IL34: variants seen among roughly 807,000 people sequenced by gnomAD.
IL34 encodes interleukin 34.
A neutral mutation model predicts 25.3 loss-of-function variants in IL34; 17 were observed. The ratio of observed to expected loss-of-function variants is 0.67; its 90% CI spans 0.46 to 1.01. IL34 has a LOEUF of 1.01. Among genes scored for constraint, IL34 ranks in the 50% least tolerant of loss-of-function variants. The pLI is 0.00. For synonymous variants in IL34, 174 were observed against 140.9 expected, an observed-to-expected ratio of 1.23 and a Z score of -1.66; for missense variants, 368 against 312.9, an observed-to-expected ratio of 1.18 and a Z score of -1.33.
At chr16:70,627,076 C>T (rs944012419) in intron 1 of IL34, among the ~76,000 whole-genome samples, 18 of 152,098 alleles carry the variant, frequency 1.2e-4, no homozygotes, top group African/African-American at 4.1e-4. Flanking sequence ...GATCCTTCCA[C>T]CTCAGCCTCC....
chr16:70,611,907 C>T (rs1443459886), intron 1 of IL34, among the ~76,000 whole-genome samples: 7 of 152,162 alleles, frequency 4.6e-5, no homozygotes, highest in African/African-American at 9.6e-5. Flanking sequence ...CCCAGCTCTT[C>T]GGGAGGAGCA....
chr16:70,602,585 G>A (rs974882795), intron 1 of IL34, among the ~76,000 whole-genome samples: 4 of 113,468 alleles, frequency 3.5e-5, no homozygotes, highest in Non-Finnish European at 5.0e-5. Flanking sequence ...TGGAATTGAT[G>A]TGTGTGTGTG....
intron 1 of IL34, among the ~76,000 whole-genome samples, chr16:70,621,622 C>G (rs1351061052): frequency 3.3e-5 from 5 of 152,058 alleles, no homozygotes; most frequent in Admixed American, 6.6e-5. Context: ...CATGCGCGTC[C>G]GTGTGAAGAG....
intron 1 of IL34, among the ~76,000 whole-genome samples, chr16:70,604,170 C>T (rs963403898): frequency 6.6e-6 from 1 of 152,176 alleles, no homozygotes; most frequent in Non-Finnish European, 1.5e-5. Context: ...AATAGCAAAG[C>T]CTGTAAGCCA....
rs2052339268 is a variant in IL34 at position 70,659,762 on chromosome 16, C to G, written c.538+9C>G. The G allele has an allele frequency of 6.3e-7, 1 of 1,588,776 alleles. No homozygotes were observed. Among genetic ancestry groups the G allele is most frequent in the African/African-American group, 1.3e-5 (1 of 74,536 alleles). On this transcript the variant is annotated intron_variant, in intron 5 of 5. Coordinates refer to ENST00000288098, the MANE Select transcript of IL34 (RefSeq NM_001393494.1). ...GCTGTACTGCTCCTGCTGTAAGGAG[C>G]TCTCAGGGGATGGCGCCTGGGGGTG... is the stretch of plus-strand genomic sequence containing the variant.
intron 1 of IL34, among the ~76,000 whole-genome samples, chr16:70,588,833 C>T (rs1282322388): frequency 2.0e-5 from 3 of 152,110 alleles, no homozygotes; most frequent in South Asian, 4.1e-4. Context: ...ACTTATGTAA[C>T]GGAGCCAGAG....
chr16:70,589,489 T>C (rs2050728652), intron 1 of IL34, among the ~76,000 whole-genome samples: 1 of 152,158 alleles, frequency 6.6e-6, no homozygotes, highest in South Asian at 2.1e-4. Context: ...GAAAGTGCAG[T>C]ATTTGGTTTT....
At chr16:70,642,454 C>T (rs983475928), upstream of IL34, among the ~76,000 whole-genome samples, 7 of 152,016 alleles carry the variant, frequency 4.6e-5, no homozygotes, top group East Asian at 1.9e-4. Context: ...CCTGCCACTG[C>T]GCCCGCCTAA....
intron 1 of IL34, among the ~76,000 whole-genome samples, chr16:70,637,285 A>C (rs2051677414): frequency 6.6e-6 from 1 of 152,192 alleles, no homozygotes; most frequent in Non-Finnish European, 1.5e-5. Flanking sequence ...AATCAAATCA[A>C]AGTTACCAAG....
Position 70,657,034 on chromosome 16 carries a change from G to T in IL34, c.315G>T (p.Val105=). ...VLVSLSATES[V]QDVLLEGHPS... ...TGAGCCTCAGTGCCACTGAGTCGGT[G>T]CAGGACGTGCTGCTCGAGGGCCACC... Residue 105 remains valine, a synonymous_variant, in exon 4 of 6, where the codon GTG becomes GTT. Coordinates refer to ENST00000288098, the MANE Select transcript of IL34 (RefSeq NM_001393494.1). 6.2e-7 allele frequency: 1 copy of T among 1,612,760 alleles called. No individual in the cohort carries two copies. The highest frequency in any genetic ancestry group is 8.5e-7 in the Non-Finnish European group (1 of 1,180,000).
Position 70,654,634 on chromosome 16 carries a change from G to A in IL34, c.125G>A (p.Arg42Gln), listed in dbSNP as rs759577542. The stretch of plus-strand genomic sequence containing the variant: ...GAGTGCACTGTCACGGGTTTTCTGC[G>A]GGACAAGCTGCAGTACAGGAGCCGA... ...NEECTVTGFL[R>Q]DKLQYRSRLQ... Residue 42 changes from arginine to glutamine, a missense_variant, in exon 2 of 6, where the codon CGG becomes CAG. Coordinates refer to ENST00000288098, the MANE Select transcript of IL34 (RefSeq NM_001393494.1). 1.2e-6 allele frequency: 2 copies of A among 1,613,084 alleles called. No individual in the cohort carries two copies. Among genetic ancestry groups the A allele is most frequent in the East Asian group, 2.2e-5 (1 of 44,830 alleles).
intron 1 of IL34, among the ~76,000 whole-genome samples, chr16:70,652,240 G>C (rs2052099393): frequency 6.6e-6 from 1 of 152,168 alleles, no homozygotes; most frequent in African/African-American, 2.4e-5. Flanking sequence ...AGCATCACTT[G>C]AGCATAGGAG....
chr16:70,646,525 T>G (rs1443791120), upstream of IL34: 1 of 194,188 alleles, frequency 5.1e-6, no homozygotes, highest in Non-Finnish European at 1.0e-5. Flanking sequence ...ATAATCAGTT[T>G]CTCTCCTCCT....
upstream of IL34, among the ~76,000 whole-genome samples, chr16:70,645,549 T>C (rs1392285880): frequency 6.6e-6 from 1 of 152,100 alleles, no homozygotes; most frequent in Non-Finnish European, 1.5e-5. Context: ...GAGGGGCAGA[T>C]GGGAGGACCA....
upstream of IL34, among the ~76,000 whole-genome samples, chr16:70,645,423 C>G (rs768792983): frequency 3.0e-4 from 45 of 152,102 alleles, no homozygotes; most frequent in Admixed American, 5.9e-4. Flanking sequence ...TAGCCATTTT[C>G]CCCCACCAGA....
intron 1 of IL34, among the ~76,000 whole-genome samples, chr16:70,613,582 T>C (rs1003201807): frequency 1.3e-5 from 2 of 152,122 alleles, no homozygotes; most frequent in African/African-American, 4.8e-5. Context: ...TTGTCAGAAA[T>C]GCAGAGTCCA....
chr16:70,647,680 C>T (rs983275407), intron 1 of IL34, among the ~76,000 whole-genome samples: 1 of 152,216 alleles, frequency 6.6e-6, no homozygotes, highest in African/African-American at 2.4e-5. Flanking sequence ...ACCTTGCTGT[C>T]TCGTGCCTCT....
chr16:70,605,758 C>T (rs1446240197), intron 1 of IL34, among the ~76,000 whole-genome samples: 4 of 152,012 alleles, frequency 2.6e-5, no homozygotes, highest in African/African-American at 7.2e-5. Flanking sequence ...GCAACATCTG[C>T]CTCCCGGGTT....
At chr16:70,593,129 A>G (rs780042071) in intron 1 of IL34, among the ~76,000 whole-genome samples, 16 of 151,902 alleles carry the variant, frequency 1.1e-4, no homozygotes, top group Admixed American at 6.6e-4. Flanking sequence ...GCCTGGCCCT[A>G]TTGTCCATTT....
Sources: allele counts gnomAD v4.1 joint callset (sites outside exome capture counted in the v4.1 genomes callset), GRCh38; gene constraint gnomAD v4.1.1; transcripts MANE v1.5; gene names NCBI Gene and HGNC (gene_info 2026-07-23, HGNC 2026-07-21).